Variants in EMILIN2 observed in about 807,000 individuals in gnomAD.
EMILIN2 encodes the protein elastin microfibril interfacer 2.
A neutral mutation model predicts 87.1 loss-of-function variants in EMILIN2; 71 were observed. The ratio of observed to expected loss-of-function variants is 0.82; its 90% confidence interval spans 0.67 to 0.99. EMILIN2 has a LOEUF of 0.99. Ranked by LOEUF, EMILIN2 falls within the 50% of genes least tolerant of loss-of-function variation. The pLI is 0.00. For missense variants in EMILIN2, 1,407 were observed against 1,371.8 expected (o/e 1.03, Z -0.40); for synonymous variants, 581 against 563.4 (o/e 1.03, Z -0.44).
In EMILIN2 at chr18:2,914,950, G is replaced by A. The variant is rs776903162; in HGVS notation, c.*1546G>A. 6.6e-6 allele frequency: 1 copy of A among 152,228 alleles called. No individual in the cohort carries two copies. Among genetic ancestry groups the A allele is most frequent in the East Asian group, 1.9e-4 (1 of 5,202 alleles). 9.4% of individuals were successfully genotyped at this position (152,228 alleles called of 1,614,324 possible). On this transcript the variant is annotated 3_prime_UTR_variant, in exon 8 of 8. Transcript: ENST00000254528. ...AGAGAGCTGTCAGAGAGTATCCTTG[G>A]CTGTCCTAGGAATGACTCATGGAAA...
chr18:2,900,268 G>A (rs1461448281), intron 4 of EMILIN2, among the ~76,000 whole-genome samples: 1 of 152,094 alleles, frequency 6.6e-6, no homozygotes, highest in Non-Finnish European at 1.5e-5. Flanking sequence ...TCTCACTACA[G>A]CCTTGAACTC....
chr18:2,874,909 T>A (rs1267480380), intron 2 of EMILIN2, among the ~76,000 whole-genome samples: 1 of 152,256 alleles, frequency 6.6e-6, no homozygotes, highest in Non-Finnish European at 1.5e-5. Flanking sequence ...TAAGAGCTTG[T>A]CAGCATCTGT....
chr18:2,865,808 G>GTGCAGTCTA (rs1481026624), intron 2 of EMILIN2, among the ~76,000 whole-genome samples: 2 of 152,208 alleles, frequency 1.3e-5, no homozygotes. Flanking sequence ...GCCCCCAGAG[G>GTGCAGTCTA]TGCAGTCTAC....
At chr18:2,909,396 GCA>G (rs753961931) in intron 6 of EMILIN2, among the ~76,000 whole-genome samples, 1 of 152,194 alleles carries the variant, frequency 6.6e-6, no homozygotes, top group Non-Finnish European at 1.5e-5. Flanking sequence ...ACAAGTGTGT[GCA>G]CACACTCACA....
chr18:2,879,002 A>G (rs754026670), intron 2 of EMILIN2, among the ~76,000 whole-genome samples: 47 of 152,176 alleles, frequency 3.1e-4, no homozygotes, highest in Non-Finnish European at 6.3e-4. Flanking sequence ...CTGTAAACAC[A>G]AGGCAAGGAG....
chr18:2,900,285 T>G (rs2076882853), intron 4 of EMILIN2, among the ~76,000 whole-genome samples: 1 of 152,216 alleles, frequency 6.6e-6, no homozygotes, highest in Admixed American at 6.5e-5. Flanking sequence ...ACTCCTGGGC[T>G]CATGCTATCC....
At chr18:2,855,636 A>G (rs1327029216) in intron 2 of EMILIN2, among the ~76,000 whole-genome samples, 2 of 151,996 alleles carry the variant, frequency 1.3e-5, no homozygotes, top group Non-Finnish European at 2.9e-5. Flanking sequence ...GTGGGTGGGA[A>G]CTCCATCCAG....
At chr18:2,859,050 TATA>T (rs1410922745) in intron 2 of EMILIN2, among the ~76,000 whole-genome samples, 1 of 152,200 alleles carries the variant, frequency 6.6e-6, no homozygotes, top group African/African-American at 2.4e-5. Flanking sequence ...ATCTTTTTCA[TATA>T]ATGACTTCTT....
chr18:2,868,774 A>T (rs902943189), intron 2 of EMILIN2, among the ~76,000 whole-genome samples: 3 of 151,700 alleles, frequency 2.0e-5, no homozygotes, highest in Non-Finnish European at 4.4e-5. Context: ...TCGGCATCAG[A>T]CGGAGACCGT....
At chr18:2,864,655 TC>T (rs1160809774) in intron 2 of EMILIN2, among the ~76,000 whole-genome samples, 1 of 152,206 alleles carries the variant, frequency 6.6e-6, no homozygotes, top group African/African-American at 2.4e-5. Flanking sequence ...TAACATTTTT[TC>T]CTTCATTTCA....
chr18:2,900,695 G>A (rs1399116933), intron 4 of EMILIN2, among the ~76,000 whole-genome samples: 5 of 152,010 alleles, frequency 3.3e-5, no homozygotes, highest in Non-Finnish European at 7.4e-5. Flanking sequence ...CACCACAAGC[G>A]ACAGTTTCTC....
intron 2 of EMILIN2, among the ~76,000 whole-genome samples, chr18:2,875,362 G>T (rs2076742189): frequency 6.6e-6 from 1 of 152,210 alleles, no homozygotes; most frequent in Non-Finnish European, 1.5e-5. Context: ...AACACTCGGG[G>T]AGCTGATGAG....
intron 2 of EMILIN2, among the ~76,000 whole-genome samples, chr18:2,852,096 C>T (rs1789673602): frequency 6.6e-6 from 1 of 152,232 alleles, no homozygotes; most frequent in Non-Finnish European, 1.5e-5. Context: ...AGAGCATTTA[C>T]ACCTTCTTTC....
intron 2 of EMILIN2, among the ~76,000 whole-genome samples, chr18:2,875,979 ATTTTT>A (rs67505946): frequency 3.9e-5 from 5 of 126,812 alleles, no homozygotes; most frequent in African/African-American, 6.2e-5. Flanking sequence ...AGGATTTTAG[ATTTTT>A]TTTTTTTTTT....
intron 3 of EMILIN2, among the ~76,000 whole-genome samples, chr18:2,889,869 T>C (rs1464174325): frequency 1.3e-5 from 2 of 152,152 alleles, no homozygotes; most frequent in Non-Finnish European, 2.9e-5. Context: ...AATCTTACTA[T>C]ATATGGTCAG....
chr18:2,883,554 G>A (rs1352638320), intron 2 of EMILIN2, among the ~76,000 whole-genome samples: 1 of 152,256 alleles, frequency 6.6e-6, no homozygotes, highest in Non-Finnish European at 1.5e-5. Context: ...CTGTGTGGCT[G>A]TGGCTTTTGC....
At chr18:2,913,046 G>C (rs747912224) in intron 7 of EMILIN2, 21 bp from the exon 8 acceptor site, 40 of 1,604,374 alleles carry the variant, frequency 2.5e-5, no homozygotes, top group Non-Finnish European at 3.1e-5. Flanking sequence ...GTGAGCACAG[G>C]GTTTGCCTTT....
intron 2 of EMILIN2, among the ~76,000 whole-genome samples, chr18:2,855,021 A>T (rs1407761120): frequency 1.3e-5 from 2 of 152,250 alleles, no homozygotes; most frequent in Non-Finnish European, 2.9e-5. Context: ...GTTCCTTGGC[A>T]TCGGAGGTAA....
intron 2 of EMILIN2, among the ~76,000 whole-genome samples, chr18:2,856,321 A>G (rs1048494401): frequency 3.9e-5 from 6 of 152,208 alleles, no homozygotes; most frequent in African/African-American, 1.2e-4. Context: ...ATAAGTGATT[A>G]TGGTCAAAGT....
Sources: allele counts gnomAD v4.1 joint callset (sites outside exome capture counted in the v4.1 genomes callset), GRCh38; gene constraint gnomAD v4.1.1; transcripts MANE v1.5; gene names NCBI Gene and HGNC (gene_info 2026-07-23, HGNC 2026-07-21).